The following BCL9 variants were observed in gnomAD, a reference collection of about 807,000 sequenced individuals.
The protein encoded by BCL9 is B-cell CLL/lymphoma 9 protein.
A neutral mutation model predicts 88.5 loss-of-function variants in BCL9; 25 were observed. The ratio of observed to expected loss-of-function variants is 0.28; its 90% CI spans 0.21 to 0.39. The LOEUF (loss-of-function observed/expected upper bound fraction) is 0.39, where lower values mean the gene tolerates loss of function less well. BCL9 is among the 10% of genes least tolerant of loss of function. The pLI, the probability that BCL9 is intolerant of heterozygous loss-of-function variation, is 1.00. For missense variants in BCL9, 1,817 were observed against 1,877.8 expected (o/e 0.97, Z 0.60); for synonymous variants, 711 against 673.3 (o/e 1.06, Z -0.87).
intron 1 of BCL9, among the ~76,000 whole-genome samples, chr1:147,559,694 T>A (rs1655284181): frequency 6.6e-6 from 1 of 152,208 alleles, no homozygotes; most frequent in South Asian, 2.1e-4. Context: ...AGCCAAATGT[T>A]ATAATAGAAA....
At position 147,546,024 on chromosome 1, in the gene BCL9, G is replaced by A. The variant is rs587727091; in HGVS notation, c.-478+4350G>A. On this transcript the variant is annotated intron_variant, in intron 1 of 9. Transcript: ENST00000234739. The stretch of plus-strand genomic sequence containing the variant: ...CCACAACATTCAGATTAAAGGTAAC[G>A]TGTTGACTTGGCATTAAAATAATTG... 1.5e-3 allele frequency among the ~76,000 whole-genome samples: 235 copies of A among 152,228 alleles called. 2 individuals carry two copies. Among genetic ancestry groups the A allele is most frequent in the Non-Finnish European group, 2.6e-3 (177 of 68,010 alleles).
At position 147,625,203 on chromosome 1, in the gene BCL9, G is replaced by C. The variant is rs1001694883; in HGVS notation, c.*244G>C. On this transcript the variant is annotated 3_prime_UTR_variant, in exon 10 of 10. Coordinates refer to ENST00000234739, the MANE Select transcript of BCL9 (RefSeq NM_004326.4). ...TTTAAAAATTATTTTTGTGGACTTG[G>C]GTATCAATGATGGCACCTACTTTTG... 3 of 457,522 alleles carry C rather than the reference G, an allele frequency of 6.6e-6. No homozygotes were observed. The South Asian group carries it at 1.2e-4, about 19-fold the overall frequency. 28.3% of individuals were successfully genotyped at this position (457,522 alleles called of 1,614,324 possible). A position where few individuals can be genotyped will look rare whatever the true frequency, so the allele number is the denominator to read the frequency against.
intron 5 of BCL9, 56 bp from the exon 6 acceptor site, chr1:147,614,359 ATGCTATATATGC>A: frequency 1.3e-6 from 2 of 1,493,654 alleles, no homozygotes; most frequent in African/African-American, 2.8e-5. Flanking sequence ...TTGTGTTGTG[ATGCTATATATGC>A]TGGCAGAAGA....
chr1:147,599,121 AGCGATGCCTG>A (rs1657189216), intron 1 of BCL9, among the ~76,000 whole-genome samples: 2 of 152,228 alleles, frequency 1.3e-5, no homozygotes, highest in African/African-American at 2.4e-5. Flanking sequence ...GGCACCAGGC[AGCGATGCCTG>A]AGCCAGGCTG....
chr1:147,605,482 G>A (rs1657648118), intron 2 of BCL9, among the ~76,000 whole-genome samples: 1 of 152,214 alleles, frequency 6.6e-6, no homozygotes, highest in African/African-American at 2.4e-5. Context: ...TCCAGATGGT[G>A]ATAGTTGGAA....
At chr1:147,582,177 A>G (rs587719098) in intron 1 of BCL9, among the ~76,000 whole-genome samples, 1 of 152,368 alleles carries the variant, frequency 6.6e-6, no homozygotes, top group East Asian at 1.9e-4. Context: ...ATAACTTTAT[A>G]TCATGAGCAT....
chr1:147,545,737 A>G (rs1553194198), intron 1 of BCL9, among the ~76,000 whole-genome samples: 2 of 152,238 alleles, frequency 1.3e-5, no homozygotes, highest in African/African-American at 2.4e-5. Flanking sequence ...CCCAAGAGAC[A>G]TAAATATAAG....
Position 147,619,088 on chromosome 1 carries a change from T to C in BCL9, c.933T>C (p.Asn311=), listed in dbSNP as rs1391371334. Residue 311 remains asparagine (N), a synonymous_variant, in exon 8 of 10, where the codon AAT becomes AAC. Coordinates refer to ENST00000234739, the MANE Select transcript of BCL9 (RefSeq NM_004326.4). The surrounding 1 kb of genome is among the most constrained non-coding windows in gnomAD (Gnocchi z 4.1). ...DGTGPNSTPN[N]RAVTPVSQGS... ...CTGGGCCCAACTCAACTCCCAACAA[T>C]AGGGCAGTGACCCCTGTCTCCCAGG... 1 of 1,613,516 alleles carries C rather than the reference T, an allele frequency of 6.2e-7. No individual in the cohort carries two copies. Among genetic ancestry groups the C allele is most frequent in the East Asian group, 2.2e-5 (1 of 44,872 alleles).
At chr1:147,542,530 T>C (rs1654380600) in intron 1 of BCL9, among the ~76,000 whole-genome samples, 1 of 152,204 alleles carries the variant, frequency 6.6e-6, no homozygotes, top group Admixed American at 6.5e-5. Flanking sequence ...AGAAGTGTTA[T>C]CATTATTCTT....
chr1:147,615,305 T>G (rs1223904222), intron 6 of BCL9, among the ~76,000 whole-genome samples: 1 of 152,230 alleles, frequency 6.6e-6, no homozygotes, highest in Non-Finnish European at 1.5e-5. Flanking sequence ...AGATAACTAC[T>G]GTAAACATTT....
At chr1:147,611,531 GTC>G (rs1553202594) in intron 3 of BCL9, 45 bp from the exon 4 acceptor site, 5 of 436,322 alleles carry the variant, frequency 1.1e-5, no homozygotes, top group Non-Finnish European at 4.2e-6. Flanking sequence ...GGTGTTTTAT[GTC>G]TCTGTTTTTG....
chr1:147,554,177 A>G (rs1341933347), intron 1 of BCL9, among the ~76,000 whole-genome samples: 1 of 152,248 alleles, frequency 6.6e-6, no homozygotes, highest in Non-Finnish European at 1.5e-5. Flanking sequence ...TGTAATTACA[A>G]TAAAACATTT....
chr1:147,605,778 C>G (rs1300825664), intron 2 of BCL9, among the ~76,000 whole-genome samples: 1 of 152,140 alleles, frequency 6.6e-6, no homozygotes, highest in Non-Finnish European at 1.5e-5. Flanking sequence ...GAATGGAATC[C>G]TGAGGCTTTT....
intron 1 of BCL9, among the ~76,000 whole-genome samples, chr1:147,562,298 C>G (rs782349776): frequency 6.6e-6 from 1 of 152,064 alleles, no homozygotes; most frequent in Non-Finnish European, 1.5e-5. Context: ...CATTGCACTC[C>G]AGACTGGACA....
intron 1 of BCL9, among the ~76,000 whole-genome samples, chr1:147,587,768 GTGT>G (rs1656681572): frequency 8.0e-6 from 1 of 125,546 alleles, no homozygotes; most frequent in African/African-American, 5.0e-5. Context: ...GTGTGTGTGT[GTGT>G]GTGTGTGTGT....
intron 1 of BCL9, among the ~76,000 whole-genome samples, chr1:147,578,412 A>G (rs984169022): frequency 5.3e-5 from 8 of 152,252 alleles, no homozygotes; most frequent in Non-Finnish European, 1.2e-4. Flanking sequence ...CAAGGGAAAA[A>G]TAAAATTACC....
chr1:147,613,308 T>A, intron 5 of BCL9, 109 bp downstream of exon 5: 1 of 1,080,394 alleles, frequency 9.3e-7, no homozygotes, highest in Non-Finnish European at 1.4e-6. Flanking sequence ...GTGGGGAGAG[T>A]AGGTATCAGA....
intron 3 of BCL9, among the ~76,000 whole-genome samples, chr1:147,611,350 G>T: frequency 6.6e-6 from 1 of 152,162 alleles, no homozygotes; most frequent in East Asian, 1.9e-4. Flanking sequence ...CATGCTGCTT[G>T]CGGGGGAGGC....
chr1:147,600,925 C>A (rs782535231), intron 1 of BCL9, among the ~76,000 whole-genome samples: 1 of 152,172 alleles, frequency 6.6e-6, no homozygotes, highest in African/African-American at 2.4e-5. Context: ...GCCTGAGTCA[C>A]TGGCCTTTGA....
Sources: allele counts gnomAD v4.1 joint callset (sites outside exome capture counted in the v4.1 genomes callset), GRCh38; gene constraint gnomAD v4.1.1; non-coding constraint Gnocchi (gnomAD v3.1); transcripts MANE v1.5; gene names NCBI Gene and HGNC (gene_info 2026-07-23, HGNC 2026-07-21).